The following RALGAPA1 variants were observed in gnomAD, a reference collection of about 807,000 sequenced individuals.
The protein encoded by RALGAPA1 is Ral GTPase activating protein catalytic subunit alpha 1.
In RALGAPA1, 52 loss-of-function variants were observed where a neutral mutation model predicts 269.6. The observed-to-expected ratio is 0.19, with a 90% CI of 0.15 to 0.24. The LOEUF (loss-of-function observed/expected upper bound fraction) is 0.24. Among genes scored for constraint, RALGAPA1 ranks in the 10% least tolerant of loss-of-function variants. RALGAPA1 has a pLI of 1.00. For missense variants in RALGAPA1, 1,917 were observed against 3,013.9 expected, an observed-to-expected ratio of 0.64 and a Z score of 8.52; for synonymous variants, 817 against 1,008.3, an observed-to-expected ratio of 0.81 and a Z score of 3.60.
chr14:35,762,637 GA>G (rs2073823101), intron 5 of RALGAPA1, 72 bp downstream of exon 5: 2 of 861,896 alleles, frequency 2.3e-6, no homozygotes, highest in African/African-American at 1.7e-5. Flanking sequence ...GCTTAGGTAG[GA>G]AAAGTGTTAA....
chr14:35,721,859 T>C lies in RALGAPA1; in HGVS notation c.2105-10A>G, dbSNP rs1239082319. The C allele has an allele frequency of 2.5e-6, 4 of 1,610,096 alleles. No individual in the cohort carries two copies. Among genetic ancestry groups the C allele is most frequent in the African/African-American group, 1.3e-5 (1 of 74,964 alleles). Reference sequence around the variant, plus strand: ...AATTCATGTCCAACTCCTGGAAATGTAGATTTTCAATCTCAATATACTGTT... The same window carrying C: ...AATTCATGTCCAACTCCTGGAAATGCAGATTTTCAATCTCAATATACTGTT... On this transcript the variant is annotated splice_polypyrimidine_tract_variant and intron_variant, in intron 15 of 41. Transcript: ENST00000680220.
At chr14:35,718,330 A>G (rs2069035744) in intron 16 of RALGAPA1, among the ~76,000 whole-genome samples, 1 of 152,304 alleles carries the variant, frequency 6.6e-6, no homozygotes, top group Admixed American at 6.5e-5. Context: ...ATGTAAAGCC[A>G]TGATTCACAA....
chr14:35,602,314 C>T (rs183770228), intron 36 of RALGAPA1, among the ~76,000 whole-genome samples: 2 of 152,248 alleles, frequency 1.3e-5, no homozygotes, highest in East Asian at 3.9e-4. Context: ...GCTTTCATTT[C>T]CCTTGGGTAT....
At chr14:35,717,966 G>C (rs570887754) in intron 16 of RALGAPA1, among the ~76,000 whole-genome samples, 2 of 152,190 alleles carry the variant, frequency 1.3e-5, no homozygotes, top group Non-Finnish European at 2.9e-5. Flanking sequence ...AAAAGCCCTA[G>C]AGCATATTCC....
At chr14:35,611,457 A>G (rs10129795) in intron 35 of RALGAPA1, among the ~76,000 whole-genome samples, 51,911 of 150,994 alleles carry the variant, frequency 0.34, 12,360 homozygotes, top group African/African-American at 0.67. Context: ...AGCTGAGATC[A>G]TGCCACTGCA....
At position 35,595,753 on chromosome 14, in the gene RALGAPA1, G is replaced by A. The variant is rs2058892237; in HGVS notation, c.7090C>T (p.Leu2364=). Residue 2364 remains leucine (L), a synonymous_variant, in exon 37 of 42, where the codon CTA becomes TTA. Coordinates refer to ENST00000680220, the MANE Select transcript of RALGAPA1 (RefSeq NM_001346249.2). The part of the protein sequence containing the change: ...LTNHCGFMGG[L]QKNKSTGLTT... ...AATCCAGTGCTTTTGTTTTTTTGTA[G>A]TCCTCCCATAAAACCACAATGGTTT... 1 of 1,612,262 alleles carries A rather than the reference G, an allele frequency of 6.2e-7. No individual in the cohort carries two copies. Among genetic ancestry groups the A allele is most frequent in the East Asian group, 2.2e-5 (1 of 44,790 alleles).
chr14:35,805,463 C>G (rs1410860276), intron 1 of RALGAPA1, among the ~76,000 whole-genome samples: 1 of 147,642 alleles, frequency 6.8e-6, no homozygotes, highest in Non-Finnish European at 1.5e-5. Flanking sequence ...AAAAAGAAAT[C>G]AAACATAAAA....
chr14:35,779,591 A>G (rs914406145), intron 1 of RALGAPA1, among the ~76,000 whole-genome samples: 2 of 151,420 alleles, frequency 1.3e-5, no homozygotes, highest in Non-Finnish European at 2.9e-5. Context: ...ATAAAGAAAT[A>G]GGCTGCTACA....
At chr14:35,580,175 A>G (rs1468031604) in intron 37 of RALGAPA1, among the ~76,000 whole-genome samples, 1 of 152,182 alleles carries the variant, frequency 6.6e-6, no homozygotes, top group African/African-American at 2.4e-5. Flanking sequence ...GGGTCCAGGA[A>G]ATGAAACATA....
intron 4 of RALGAPA1, among the ~76,000 whole-genome samples, chr14:35,767,542 C>T (rs944252978): frequency 4.6e-5 from 7 of 151,946 alleles, no homozygotes; most frequent in Admixed American, 3.3e-4. Flanking sequence ...AAAAATTAGC[C>T]GGGCGTGGTG....
At chr14:35,745,001 G>A (rs1476924690) in intron 10 of RALGAPA1, among the ~76,000 whole-genome samples, 1 of 152,160 alleles carries the variant, frequency 6.6e-6, no homozygotes, top group Non-Finnish European at 1.5e-5. Flanking sequence ...TACACAAGTT[G>A]TCAGACTACA....
chr14:35,675,471 C>A (rs1052655540), intron 22 of RALGAPA1, among the ~76,000 whole-genome samples: 2 of 152,092 alleles, frequency 1.3e-5, no homozygotes, highest in African/African-American at 2.4e-5. Context: ...CCACCGCACC[C>A]GACCGAAAAA....
At chr14:35,662,971 C>T (rs550867733) in intron 27 of RALGAPA1, among the ~76,000 whole-genome samples, 60 of 151,858 alleles carry the variant, frequency 4.0e-4, no homozygotes, top group African/African-American at 1.4e-3. Flanking sequence ...TGCTCTGTCA[C>T]GCAGGCTGGA....
At chr14:35,633,518 A>T (rs2061486270) in intron 33 of RALGAPA1, among the ~76,000 whole-genome samples, 1 of 152,128 alleles carries the variant, frequency 6.6e-6, no homozygotes, top group South Asian at 2.1e-4. Context: ...CACTTTTTCT[A>T]TGAAGGGCCA....
intron 35 of RALGAPA1, among the ~76,000 whole-genome samples, chr14:35,607,392 GC>G (rs2059663584): frequency 6.6e-6 from 1 of 152,128 alleles, no homozygotes; most frequent in South Asian, 2.1e-4. Context: ...TCCTTCTCTA[GC>G]CCCATGTTAC....
At chr14:35,542,333 T>A (rs1331121547) in intron 41 of RALGAPA1, 1 of 178,254 alleles carries the variant, frequency 5.6e-6, no homozygotes, top group East Asian at 1.7e-4. Context: ...TATAGAACAT[T>A]TCCATCACCA....
intron 22 of RALGAPA1, 81 bp downstream of exon 22, chr14:35,677,869 A>G: frequency 7.7e-7 from 1 of 1,304,730 alleles, no homozygotes; most frequent in Non-Finnish European, 1.1e-6. Flanking sequence ...TATATAATCA[A>G]ATGTAAGATG....
intron 27 of RALGAPA1, among the ~76,000 whole-genome samples, chr14:35,664,012 C>T (rs2063745660): frequency 6.6e-6 from 1 of 152,018 alleles, no homozygotes; most frequent in South Asian, 2.1e-4. Context: ...GCACTGACTG[C>T]TTTTCTACCA....
chr14:35,745,769 A>AAAAT (rs2072021832), intron 10 of RALGAPA1, among the ~76,000 whole-genome samples: 1 of 146,848 alleles, frequency 6.8e-6, no homozygotes, highest in African/African-American at 2.5e-5. Flanking sequence ...ATCTCAAAAA[A>AAAAT]AAAAAAAAAA....
Sources: allele counts gnomAD v4.1 joint callset (sites outside exome capture counted in the v4.1 genomes callset), GRCh38; gene constraint gnomAD v4.1.1; transcripts MANE v1.5; gene names NCBI Gene and HGNC (gene_info 2026-07-23, HGNC 2026-07-21).